The following DLEC1 variants were observed in gnomAD, a reference collection of about 807,000 sequenced individuals.
The protein encoded by DLEC1 is DLEC1 cilia and flagella associated protein.
DLEC1 carries 146 observed loss-of-function variants against 198.1 expected under a neutral mutation model. The observed-to-expected ratio is 0.74, with a 90% CI of 0.64 to 0.85. DLEC1 has a LOEUF of 0.85. Among genes scored for constraint, DLEC1 ranks in the 40% least tolerant of loss-of-function variants. The pLI, the probability that DLEC1 is intolerant of heterozygous loss-of-function variation, is 0.00. For synonymous variants in DLEC1, 897 were observed against 866.8 expected (o/e 1.03, Z -0.61); for missense variants, 2,233 against 2,220.0 (o/e 1.01, Z -0.12).
In DLEC1 at chr3:38,096,671, A is replaced by T; in HGVS notation, c.2274A>T (p.Leu758Phe). The change falls in exon 15 of 37, where the codon TTA becomes TTT. Residue 758 changes from leucine to phenylalanine, a missense_variant. Leu to Phe is a conservative substitution (Grantham distance 22). Transcript: ENST00000308059. The stretch of plus-strand genomic sequence containing the variant: ...CAGTAGAACCTTTCCAGGTTCTCTT[A>T]GAGCCATATGCCCTCATCATCCCAG... ...KGSVEPFQVL[L>F]EPYALIIPGE... is the part of the protein sequence containing the mutation. 1 of 1,613,594 alleles carries T rather than the reference A, an allele frequency of 6.2e-7. No individual in the cohort carries two copies. The highest frequency in any genetic ancestry group is 8.5e-7 in the Non-Finnish European group (1 of 1,179,994).
chr3:38,063,671 T>C (rs1338589992), intron 5 of DLEC1, among the ~76,000 whole-genome samples, 170 bp from the exon 6 acceptor site: 1 of 152,214 alleles, frequency 6.6e-6, no homozygotes, highest in Non-Finnish European at 1.5e-5. Context: ...GTAAAATTAT[T>C]TTATAACCTG....
At chr3:38,106,990 TGAGGTTGCAG>T (rs1699600748) in intron 19 of DLEC1, among the ~76,000 whole-genome samples, 1 of 152,120 alleles carries the variant, frequency 6.6e-6, no homozygotes, top group South Asian at 2.1e-4. Flanking sequence ...ATCAGAGAGT[TGAGGTTGCAG>T]GACAAGTGGC....
intron 2 of DLEC1, among the ~76,000 whole-genome samples, chr3:38,054,038 C>T (rs1696203476): frequency 6.6e-6 from 1 of 151,924 alleles, no homozygotes; most frequent in Non-Finnish European, 1.5e-5. Context: ...TCTCAAGTAC[C>T]CAGGGACACA....
intron 34 of DLEC1, 54 bp from the exon 35 acceptor site, chr3:38,121,574 A>C: frequency 6.3e-7 from 1 of 1,575,562 alleles, no homozygotes; most frequent in Non-Finnish European, 8.6e-7. Flanking sequence ...TGTGTCCCAG[A>C]GGCCCTGGCT....
chr3:38,103,298 G>C (rs1191197353), intron 19 of DLEC1: 1 of 152,260 alleles, frequency 6.6e-6, no homozygotes, highest in African/African-American at 2.4e-5. Context: ...TCTGGGGCTG[G>C]AGCCCTGACC....
At chr3:38,057,245 C>A (rs1456766624) in intron 2 of DLEC1, among the ~76,000 whole-genome samples, 1 of 152,236 alleles carries the variant, frequency 6.6e-6, no homozygotes, top group African/African-American at 2.4e-5. Context: ...AATCCCAGTA[C>A]TTTGGGAGGC....
chr3:38,062,209 T>C lies in DLEC1; in HGVS notation c.714T>C (p.Cys238=). The change falls in exon 4 of 37, where the codon TGT becomes TGC. Residue 238 remains cysteine, a synonymous_variant. Coordinates refer to ENST00000308059, the MANE Select transcript of DLEC1 (RefSeq NM_007335.4). ...GATGTTCAAAACTGACATTTAGCTGTGAGAAGCGTTCCGTCCAGAAGAAAG... is the reference window on the plus strand; with the variant it reads ...GATGTTCAAAACTGACATTTAGCTGCGAGAAGCGTTCCGTCCAGAAGAAAG... The part of the protein sequence containing the change: ...LPGCSKLTFS[C]EKRSVQKKEL... 1 of 1,614,212 alleles carries C rather than the reference T, an allele frequency of 6.2e-7. No individual in the cohort carries two copies. The highest frequency in any genetic ancestry group is 8.5e-7 in the Non-Finnish European group (1 of 1,180,050).
intron 25 of DLEC1, among the ~76,000 whole-genome samples, chr3:38,114,110 T>TAAA (rs35524280): frequency 8.7e-4 from 76 of 87,834 alleles, no homozygotes; most frequent in African/African-American, 2.9e-3. Context: ...CTGTGTCTAC[T>TAAA]AAAAAAAAAA....
chr3:38,058,151 A>C (rs1452186328), intron 2 of DLEC1, among the ~76,000 whole-genome samples: 1 of 152,178 alleles, frequency 6.6e-6, no homozygotes, highest in Non-Finnish European at 1.5e-5. Context: ...ATTGTGAAGT[A>C]TACTTAAATT....
chr3:38,042,046 G>A (rs1249552062), intron 1 of DLEC1, among the ~76,000 whole-genome samples: 1 of 151,900 alleles, frequency 6.6e-6, no homozygotes, highest in Non-Finnish European at 1.5e-5. Flanking sequence ...AGTCTGGAGT[G>A]CAGTGCCACG....
intron 11 of DLEC1, among the ~76,000 whole-genome samples, chr3:38,093,174 A>T (rs929696523): frequency 6.6e-6 from 1 of 152,056 alleles, no homozygotes; most frequent in Admixed American, 6.5e-5. Context: ...ACTCACTTTG[A>T]TCTCCTTTGG....
intron 2 of DLEC1, among the ~76,000 whole-genome samples, chr3:38,057,289 G>A (rs1030264665): frequency 6.6e-6 from 1 of 152,178 alleles, no homozygotes; most frequent in Non-Finnish European, 1.5e-5. Flanking sequence ...TCAGGAGTTT[G>A]AGACCAGCCT....
intron 5 of DLEC1, among the ~76,000 whole-genome samples, chr3:38,063,244 A>G (rs1339443866): frequency 6.6e-6 from 1 of 152,210 alleles, no homozygotes; most frequent in Non-Finnish European, 1.5e-5. Flanking sequence ...AATTTTAGTA[A>G]GCCTAAAACT....
intron 21 of DLEC1, 112 bp downstream of exon 21, chr3:38,108,627 G>T: frequency 1.2e-6 from 1 of 828,710 alleles, no homozygotes. Context: ...TCTTGTGGGT[G>T]GGGAAGAGAT....
intron 6 of DLEC1, among the ~76,000 whole-genome samples, chr3:38,075,049 G>A (rs115213192): frequency 0.022 from 3,419 of 152,186 alleles, 47 homozygotes; most frequent in Non-Finnish European, 0.033. Flanking sequence ...ATGGAAGAGC[G>A]GAGGCTGAGG....
chr3:38,089,571 G>A lies in DLEC1; in HGVS notation c.1665+1183G>A, dbSNP rs141539736. Among the ~76,000 whole-genome samples the A allele has an allele frequency of 2.5e-4, 38 of 152,262 alleles. No homozygotes were observed. The East Asian group carries it at 5.4e-3, about 22-fold the overall frequency. Reference sequence around the variant, plus strand: ...AGGCCTCATCTACTGCTGAGGGGCAGGTTGGGTCTACAAGGCCCATACACA... The same window carrying A: ...AGGCCTCATCTACTGCTGAGGGGCAAGTTGGGTCTACAAGGCCCATACACA... On this transcript the variant is annotated intron_variant, in intron 10 of 36. Coordinates refer to ENST00000308059, the MANE Select transcript of DLEC1 (RefSeq NM_007335.4).
At chr3:38,088,497 G>A in intron 10 of DLEC1, 109 bp downstream of exon 10, 4 of 1,011,590 alleles carry the variant, frequency 4.0e-6, no homozygotes, top group Non-Finnish European at 6.0e-6. Context: ...CAGCCTTAGT[G>A]ACTTCTGGGT....
At chr3:38,077,286 G>C (rs1232849848) in intron 6 of DLEC1, among the ~76,000 whole-genome samples, 1 of 152,212 alleles carries the variant, frequency 6.6e-6, no homozygotes, top group South Asian at 2.1e-4. Flanking sequence ...AGTATGACTA[G>C]ACAGAAAATA....
At chr3:38,043,599 G>C (rs17037339) in intron 1 of DLEC1, among the ~76,000 whole-genome samples, 9,122 of 152,178 alleles carry the variant, frequency 0.06, 340 homozygotes, top group Middle Eastern at 0.12. Flanking sequence ...TCACCTATTT[G>C]TATCCTTGCC....
Sources: gnomAD v4.1 joint callset for allele counts (sites outside exome capture counted in the v4.1 genomes callset) on GRCh38, gnomAD v4.1.1 for gene constraint, MANE v1.5 for transcripts, NCBI Gene and HGNC (gene_info 2026-07-23, HGNC 2026-07-21) for gene names.